Variants in SIK3 observed in about 807,000 individuals in gnomAD.
SIK3 encodes serine/threonine-protein kinase SIK3.
In SIK3, 28 loss-of-function variants were observed where a neutral mutation model predicts 144.2. The observed-to-expected ratio is 0.19, with a 90% CI of 0.14 to 0.27. The LOEUF (loss-of-function observed/expected upper bound fraction) is 0.27. Ranked by LOEUF, SIK3 falls within the 10% of genes least tolerant of loss-of-function variation. The probability of loss-of-function intolerance (pLI) is 1.00; values close to 1 mark genes in which losing one functional copy is unlikely to be tolerated. For missense variants in SIK3, 1,319 were observed against 1,776.0 expected (o/e 0.74, Z 4.62); for synonymous variants, 686 against 676.3 (o/e 1.01, Z -0.22).
intron 1 of SIK3, among the ~76,000 whole-genome samples, chr11:117,079,772 A>G (rs1207059024): frequency 6.6e-6 from 1 of 152,140 alleles, no homozygotes; most frequent in Non-Finnish European, 1.5e-5. Context: ...GACTATAAAA[A>G]TAAAAGCATT....
intron 6 of SIK3, among the ~76,000 whole-genome samples, chr11:116,886,323 A>C (rs574096748): frequency 1.3e-5 from 2 of 152,320 alleles, no homozygotes; most frequent in African/African-American, 4.8e-5. Context: ...CCCTCGGTAT[A>C]TGGAGACTTG....
At chr11:116,949,150 A>G (rs1948813181) in intron 3 of SIK3, among the ~76,000 whole-genome samples, 1 of 152,214 alleles carries the variant, frequency 6.6e-6, no homozygotes, top group Non-Finnish European at 1.5e-5. Context: ...ACAGTTAGAA[A>G]GATCTCGTAT....
At chr11:116,951,420 T>C (rs771181615) in intron 3 of SIK3, among the ~76,000 whole-genome samples, 18 of 152,180 alleles carry the variant, frequency 1.2e-4, no homozygotes, top group East Asian at 1.9e-4. Context: ...TCAAATTCTA[T>C]TGTTATATAT....
intron 1 of SIK3, among the ~76,000 whole-genome samples, chr11:117,020,113 T>C (rs1295801872): frequency 6.6e-6 from 1 of 151,846 alleles, no homozygotes. Context: ...ATGAGCCAGA[T>C]GAAACTACAC....
chr11:117,046,549 A>T (rs1272406398), intron 1 of SIK3, among the ~76,000 whole-genome samples: 1 of 152,164 alleles, frequency 6.6e-6, no homozygotes, highest in Non-Finnish European at 1.5e-5. Flanking sequence ...CTGACACCTA[A>T]AAACACTATT....
chr11:117,054,729 G>T (rs559134204), intron 1 of SIK3, among the ~76,000 whole-genome samples: 4 of 152,064 alleles, frequency 2.6e-5, no homozygotes, highest in Non-Finnish European at 5.9e-5. Flanking sequence ...AAGAATTCAA[G>T]ACCAGCTTAG....
chr11:116,935,367 A>C (rs1947859452), intron 3 of SIK3, among the ~76,000 whole-genome samples: 1 of 152,046 alleles, frequency 6.6e-6, no homozygotes, highest in Admixed American at 6.6e-5. Context: ...AAGCTTTTAC[A>C]AAAACACTTT....
At chr11:116,897,454 T>C (rs1463499984) in intron 4 of SIK3, 137 bp from the exon 5 acceptor site, 7 of 720,546 alleles carry the variant, frequency 9.7e-6, no homozygotes, top group East Asian at 2.8e-5. Flanking sequence ...AGAAACCACA[T>C]AGCCAGACAC....
At chr11:116,922,085 A>T (rs532192396) in intron 4 of SIK3, among the ~76,000 whole-genome samples, 35 of 152,330 alleles carry the variant, frequency 2.3e-4, no homozygotes, top group African/African-American at 6.0e-4. Flanking sequence ...GACTGAAGAT[A>T]TAACTTATAC....
Position 116,867,714 on chromosome 11 carries a change from A to G in SIK3, c.1952+232T>C. 2.5e-6 allele frequency: 1 copy of G among 393,852 alleles called. No homozygotes were observed. The highest frequency in any genetic ancestry group is 4.5e-6 in the Non-Finnish European group (1 of 222,318). The allele number at this position is 393,852 out of a possible 1,614,324, so 24.4% of individuals were successfully genotyped here. A position where few individuals can be genotyped will look rare whatever the true frequency, so the allele number is the denominator to read the frequency against. On this transcript the variant is annotated intron_variant, in intron 15 of 24. Transcript: ENST00000445177. This position sits in a 1 kb window ranked among gnomAD's most constrained non-coding sequence, Gnocchi z 4.1. ...ATCATGGGAATCAAATGCAGACAATAAACAGGTCTGCAAGGTAATGGGAGA... is the reference window on the plus strand; with the variant it reads ...ATCATGGGAATCAAATGCAGACAATGAACAGGTCTGCAAGGTAATGGGAGA...
intron 1 of SIK3, among the ~76,000 whole-genome samples, chr11:117,012,201 C>T (rs1591532504): frequency 2.0e-5 from 3 of 152,072 alleles, no homozygotes; most frequent in African/African-American, 4.8e-5. Flanking sequence ...CTCGAATTCC[C>T]GGACTCAAGC....
At chr11:117,069,691 T>G (rs1186225158) in intron 1 of SIK3, among the ~76,000 whole-genome samples, 1 of 152,148 alleles carries the variant, frequency 6.6e-6, no homozygotes, top group Non-Finnish European at 1.5e-5. Flanking sequence ...GTACCCTCTA[T>G]TCTCCTTCTT....
chr11:117,013,376 T>C lies in SIK3; in HGVS notation c.274-56312A>G, dbSNP rs181364889. The stretch of plus-strand genomic sequence containing the variant: ...GCATGGTGCCACACGCCTATAATCC[T>C]AGATAGGCTGGGACCCACTTGAACC... On this transcript the variant is annotated intron_variant, in intron 1 of 24. Transcript: ENST00000445177. 2.0e-5 allele frequency among the ~76,000 whole-genome samples: 3 copies of C among 152,070 alleles called. No homozygotes were observed. The East Asian group carries it at 5.8e-4, about 30-fold the overall frequency.
chr11:117,000,444 T>C (rs568420135), intron 1 of SIK3, among the ~76,000 whole-genome samples: 1 of 152,314 alleles, frequency 6.6e-6, no homozygotes, highest in Admixed American at 6.5e-5. Context: ...CCTTTTAAAA[T>C]CTTAAGTGCC....
intron 1 of SIK3, among the ~76,000 whole-genome samples, chr11:116,967,077 A>G (rs1461268015): frequency 6.6e-6 from 1 of 152,156 alleles, no homozygotes; most frequent in Non-Finnish European, 1.5e-5. Context: ...AAAGACGGGA[A>G]ATAACTTGGC....
intron 19 of SIK3, among the ~76,000 whole-genome samples, 162 bp from the exon 20 acceptor site, chr11:116,859,766 T>C (rs147538603): frequency 6.6e-5 from 10 of 152,334 alleles, no homozygotes; most frequent in Non-Finnish European, 1.5e-4. Flanking sequence ...AAACAGAAGA[T>C]TCCTGGGTCC....
chr11:116,864,642 G>A (rs1943534807), intron 15 of SIK3: 1 of 152,272 alleles, frequency 6.6e-6, no homozygotes, highest in East Asian at 1.9e-4. Context: ...CTTGTGACCT[G>A]ATGATCAGAA....
intron 4 of SIK3, among the ~76,000 whole-genome samples, chr11:116,902,987 T>C (rs1359668533): frequency 6.6e-6 from 1 of 152,242 alleles, no homozygotes; most frequent in Non-Finnish European, 1.5e-5. Flanking sequence ...AGTGGCTCTT[T>C]ACTAGTATTT....
intron 2 of SIK3, 122 bp downstream of exon 2, chr11:116,956,823 TAGC>T: frequency 1.9e-6 from 1 of 540,300 alleles, no homozygotes; most frequent in South Asian, 3.9e-5. Context: ...GTAGGAAAGA[TAGC>T]AGGATTAACA....
Sources: gnomAD v4.1 joint callset for allele counts (sites outside exome capture counted in the v4.1 genomes callset) on GRCh38, gnomAD v4.1.1 for gene constraint, Gnocchi (gnomAD v3.1) non-coding constraint, MANE v1.5 for transcripts, NCBI Gene and HGNC (gene_info 2026-07-23, HGNC 2026-07-21) for gene names.